The following RALA variants were observed in gnomAD, a reference collection of about 807,000 sequenced individuals.
The protein encoded by RALA is ras-related protein Ral-A.
In RALA, 5 loss-of-function variants were observed where a neutral mutation model predicts 24.0. The ratio of observed to expected loss-of-function variants is 0.21; its 90% CI spans 0.11 to 0.44. The LOEUF (loss-of-function observed/expected upper bound fraction) is 0.44, where lower values mean the gene tolerates loss of function less well. Among genes scored for constraint, RALA ranks in the 20% least tolerant of loss-of-function variants. RALA has a pLI of 0.99. For missense variants in RALA, 95 were observed against 241.2 expected (o/e 0.39, Z 4.01); for synonymous variants, 77 against 83.8 (o/e 0.92, Z 0.44).
At chr7:39,654,364 TACAG>T (rs939582715) in intron 1 of RALA, among the ~76,000 whole-genome samples, 6 of 152,178 alleles carry the variant, frequency 3.9e-5, no homozygotes, top group Admixed American at 3.3e-4. Flanking sequence ...TGATGGGGCT[TACAG>T]ACAGTTTATT....
At chr7:39,682,194 A>G (rs1469594970) in intron 1 of RALA, among the ~76,000 whole-genome samples, 1 of 152,256 alleles carries the variant, frequency 6.6e-6, no homozygotes, top group East Asian at 1.9e-4. Flanking sequence ...CAGCTGAATT[A>G]GTATGTGCAG....
At chr7:39,656,840 T>A (rs1472974052) in intron 1 of RALA, among the ~76,000 whole-genome samples, 3 of 152,330 alleles carry the variant, frequency 2.0e-5, no homozygotes, top group Admixed American at 6.5e-5. Flanking sequence ...GATGTTCACT[T>A]CAGAAGTCAT....
chr7:39,699,123 T>TTA (rs1792973135), intron 4 of RALA, among the ~76,000 whole-genome samples: 2 of 93,306 alleles, frequency 2.1e-5, no homozygotes, highest in Admixed American at 1.9e-4. Context: ...AAAATGTTAT[T>TTA]TTTTTTTTTT....
intron 4 of RALA, chr7:39,700,390 A>G (rs567660473): frequency 6.6e-6 from 1 of 152,352 alleles, no homozygotes; most frequent in South Asian, 2.1e-4. Context: ...CAGCCAGATG[A>G]TGCTGGCCAT....
At chr7:39,693,510 A>G (rs894318876) in intron 3 of RALA, among the ~76,000 whole-genome samples, 1 of 152,250 alleles carries the variant, frequency 6.6e-6, no homozygotes, top group African/African-American at 2.4e-5. Flanking sequence ...TGGCACATGT[A>G]TACCTCGGTA....
At chr7:39,696,652 G>A (rs1792927107) in intron 3 of RALA, 33 bp from the exon 4 acceptor site, 1 of 1,525,026 alleles carries the variant, frequency 6.6e-7, no homozygotes, top group Non-Finnish European at 8.9e-7. Flanking sequence ...TCCTTATAAT[G>A]TTAATATTTC....
In RALA at chr7:39,699,266, G is replaced by A. The variant is rs373376495; in HGVS notation, c.498+2407G>A. Among the ~76,000 whole-genome samples the A allele has an allele frequency of 1.8e-4, 27 of 146,918 alleles. No individual in the cohort carries two copies. The East Asian group carries it at 2.0e-3, about 11-fold the overall frequency. Reference sequence around the variant, plus strand: ...CGCCATTCTCCTGCCTCAGCCTCCCGAGTAGCTGGGACTACAGGCGCCCGC... The same window carrying A: ...CGCCATTCTCCTGCCTCAGCCTCCCAAGTAGCTGGGACTACAGGCGCCCGC... On this transcript the variant is annotated intron_variant, in intron 4 of 4. Coordinates refer to ENST00000005257, the MANE Select transcript of RALA (RefSeq NM_005402.4).
chr7:39,692,133 G>C (rs1391558555), intron 3 of RALA, among the ~76,000 whole-genome samples: 1 of 152,036 alleles, frequency 6.6e-6, no homozygotes, highest in African/African-American at 2.4e-5. Context: ...GGTTACAGTG[G>C]GCACTCCACG....
chr7:39,679,725 T>C (rs1410911050), intron 1 of RALA, among the ~76,000 whole-genome samples: 1 of 152,164 alleles, frequency 6.6e-6, no homozygotes, highest in Non-Finnish European at 1.5e-5. Context: ...TGCAGAATTT[T>C]TTTTTTTGAG....
intron 1 of RALA, among the ~76,000 whole-genome samples, chr7:39,665,365 G>T (rs1026519851): frequency 1.3e-5 from 2 of 152,000 alleles, no homozygotes; most frequent in Non-Finnish European, 2.9e-5. Flanking sequence ...TCAGAATACA[G>T]TATATAATAC....
intron 1 of RALA, among the ~76,000 whole-genome samples, chr7:39,648,579 A>T (rs1234772443): frequency 6.6e-6 from 1 of 152,148 alleles, no homozygotes; most frequent in Admixed American, 6.5e-5. Context: ...GTCCTAAAGG[A>T]TGTGAGGGAG....
In RALA at chr7:39,623,583, T is replaced by G. The variant is rs1791411724; in HGVS notation, c.-280T>G. On this transcript the variant is annotated 5_prime_UTR_variant, in exon 1 of 5. Coordinates refer to ENST00000005257, the MANE Select transcript of RALA (RefSeq NM_005402.4). This position sits in a 1 kb window ranked among gnomAD's most constrained non-coding sequence, Gnocchi z 4.9. Reference sequence around the variant, plus strand: ...CCCGGAAGTGATCTGTGGCGGCTGCTGCAGAGCCGCCAGGAGGAGGGTGGA... The same window carrying G: ...CCCGGAAGTGATCTGTGGCGGCTGCGGCAGAGCCGCCAGGAGGAGGGTGGA... 1 of 152,542 alleles carries G rather than the reference T, an allele frequency of 6.6e-6. No individual in the cohort carries two copies. The highest frequency in any genetic ancestry group is 6.5e-5 in the Admixed American group (1 of 15,290). 9.4% of individuals were successfully genotyped at this position (152,542 alleles called of 1,614,324 possible).
chr7:39,669,081 T>C lies in RALA; in HGVS notation c.-37-17550T>C, dbSNP rs1792335429. Among the ~76,000 whole-genome samples the C allele has an allele frequency of 2.0e-5, 3 of 152,170 alleles. No individual in the cohort carries two copies. The South Asian group carries it at 6.2e-4, about 31-fold the overall frequency. Reference sequence around the variant, plus strand: ...GTGAACCGAGATCGCACCACTGCACTCCGGCCTAGCGACAGAGCAAGATTC... The same window carrying C: ...GTGAACCGAGATCGCACCACTGCACCCCGGCCTAGCGACAGAGCAAGATTC... On this transcript the variant is annotated intron_variant, in intron 1 of 4. Transcript: ENST00000005257.
chr7:39,702,300 A>G (rs539508428), intron 4 of RALA, among the ~76,000 whole-genome samples: 2 of 152,298 alleles, frequency 1.3e-5, no homozygotes, highest in African/African-American at 4.8e-5. Context: ...AAAAGCAGTC[A>G]TACATATCTC....
intron 1 of RALA, among the ~76,000 whole-genome samples, chr7:39,633,380 GAA>G (rs1454134645): frequency 1.3e-5 from 2 of 152,214 alleles, no homozygotes; most frequent in Non-Finnish European, 2.9e-5. Flanking sequence ...CATGTCAGCA[GAA>G]AAGAGAGAGA....
At chr7:39,629,252 T>C (rs2115909456) in intron 1 of RALA, among the ~76,000 whole-genome samples, 1 of 152,360 alleles carries the variant, frequency 6.6e-6, no homozygotes, top group Non-Finnish European at 1.5e-5. Flanking sequence ...CAGCAGTGTT[T>C]TGTCAGCTTT....
At position 39,707,522 on chromosome 7, in the gene RALA, A is replaced by G. The variant is rs896645996; in HGVS notation, c.*1277A>G. 1 of 152,182 alleles carries G rather than the reference A, an allele frequency of 6.6e-6. No homozygotes were observed. Among genetic ancestry groups the G allele is most frequent in the African/African-American group, 2.4e-5 (1 of 41,450 alleles). 9.4% of individuals were successfully genotyped at this position (152,182 alleles called of 1,614,324 possible). ...TGACCACACATTAGGCTGTGTCACC[A>G]TTGTGTGGTGTACCTGCTGGAAGAA... is the stretch of plus-strand genomic sequence containing the variant. On this transcript the variant is annotated 3_prime_UTR_variant, in exon 5 of 5. Transcript: ENST00000005257.
chr7:39,648,281 A>G (rs559546310), intron 1 of RALA, among the ~76,000 whole-genome samples: 11 of 152,312 alleles, frequency 7.2e-5, no homozygotes, highest in African/African-American at 2.2e-4. Flanking sequence ...ACCTAGGCCC[A>G]TTGACTTATA....
intron 1 of RALA, among the ~76,000 whole-genome samples, chr7:39,636,549 T>A (rs1583706258): frequency 6.6e-6 from 1 of 152,324 alleles, no homozygotes; most frequent in East Asian, 1.9e-4. Context: ...AACACTTTCT[T>A]CGTTGTAAAA....
Sources: allele counts gnomAD v4.1 joint callset (sites outside exome capture counted in the v4.1 genomes callset), GRCh38; gene constraint gnomAD v4.1.1; non-coding constraint Gnocchi (gnomAD v3.1); transcripts MANE v1.5; gene names NCBI Gene and HGNC (gene_info 2026-07-23, HGNC 2026-07-21).